Variants in PDCD2 observed in about 807,000 individuals in gnomAD.
PDCD2 encodes the protein uS5 assembly chaperone PDCD2.
In PDCD2, 38 loss-of-function variants were observed where a neutral mutation model predicts 38.1. The observed-to-expected ratio is 1.00, with a 90% confidence interval of 0.77 to 1.31. The LOEUF (loss-of-function observed/expected upper bound fraction) is 1.31, where lower values mean the gene tolerates loss of function less well. Among genes scored for constraint, PDCD2 ranks in the 50% most tolerant of loss-of-function variants. The pLI, the probability that PDCD2 is intolerant of heterozygous loss-of-function variation, is 0.00. For missense variants in PDCD2, 473 were observed against 435.7 expected (o/e 1.09, Z -0.76); for synonymous variants, 205 against 168.9 (o/e 1.21, Z -1.66).
Position 170,584,467 on chromosome 6 carries a change from C to T in PDCD2, c.115G>A (p.Gly39Ser). The change falls in exon 1 of 6, where the codon GGC becomes AGC. Residue 39 changes from glycine to serine, a missense_variant. By Grantham distance (56) the Gly-to-Ser change is moderately conservative. Transcript: ENST00000541970. ...TGGGGCCCCGGCAGCCCGGCCGCGC[C>T]CAGCCATGCCGGCCGCCCGCCCACC... is the stretch of plus-strand genomic sequence containing the variant. ...SKVGGRPAWL[G>S]AAGLPGPQAL... is the part of the protein sequence containing the mutation. The T allele has an allele frequency of 7.6e-7, 1 of 1,311,810 alleles. No homozygotes were observed. The highest frequency in any genetic ancestry group is 9.6e-7 in the Non-Finnish European group (1 of 1,038,724). The allele number at this position is 1,311,810 out of a possible 1,614,324, so 81.3% of individuals were successfully genotyped here. A position where few individuals can be genotyped will look rare whatever the true frequency, so the allele number is the denominator to read the frequency against.
Position 170,584,586 on chromosome 6 carries a change from G to T in PDCD2, c.-5C>A, listed in dbSNP as rs957921757. ...CCTGGCCCCGGCGGCAGCCATGCGG[G>T]GCGCGGGCTGGCGTGGGGCGCAGCC... On this transcript the variant is annotated 5_prime_UTR_variant, in exon 1 of 6. Transcript: ENST00000541970. 23 of 1,259,968 alleles carry T rather than the reference G, an allele frequency of 1.8e-5. No homozygotes were observed. The highest frequency in any genetic ancestry group is 2.1e-5 in the Non-Finnish European group (21 of 1,003,474). The allele number at this position is 1,259,968 out of a possible 1,614,324, so 78.0% of individuals were successfully genotyped here. A position where few individuals can be genotyped will look rare whatever the true frequency, so the allele number is the denominator to read the frequency against.
chr6:170,584,272 C>T (rs1179039782), intron 1 of PDCD2, 27 bp downstream of exon 1: 1 of 1,398,104 alleles, frequency 7.2e-7, no homozygotes, highest in Non-Finnish European at 9.3e-7. Flanking sequence ...AGGCATGGCC[C>T]CGTCCCGACC....
At chr6:170,581,235 C>T (rs1779586240) in intron 3 of PDCD2, 1 of 152,196 alleles carries the variant, frequency 6.6e-6, no homozygotes, top group African/African-American at 2.4e-5. Context: ...ACCTCCATTA[C>T]TCTGAAGTAA....
chr6:170,580,749 C>T (rs1779572374), intron 3 of PDCD2, among the ~76,000 whole-genome samples: 1 of 152,156 alleles, frequency 6.6e-6, no homozygotes, highest in African/African-American at 2.4e-5. Context: ...CTCCACATTC[C>T]TTCCTGGGAT....
Position 170,577,658 on chromosome 6 carries a change from C to CCAGT in PDCD2, c.932_935dup (p.Trp312Ter). The CCAGT allele has an allele frequency of 6.2e-7, 1 of 1,613,752 alleles. No individual in the cohort carries two copies. The highest frequency in any genetic ancestry group is 8.5e-7 in the Non-Finnish European group (1 of 1,179,978). On this transcript the variant is annotated stop_gained and frameshift_variant, in exon 6 of 6. Transcript: ENST00000541970. LOFTEE classifies it high-confidence loss of function. Reference sequence around the variant, plus strand: ...CACAGGTGAAGACAGCCAGGATGCCCCAGTCAATGCTCTTGCCCAGTCTGT... The same window carrying CCAGT: ...CACAGGTGAAGACAGCCAGGATGCCCCAGTCAGTCAATGCTCTTGCCCAGTCTGT...
Position 170,583,587 on chromosome 6 carries a change from T to C in PDCD2, c.444A>G (p.Arg148=). ...TGCTGCAGTAATATGCTTTGTGGCA[T>C]CTGGAGCACGTTTTGGGGCCTAAAC... ...CGCLGPKTCS[R]CHKAYYCSKE... The change falls in exon 2 of 6, where the codon AGA becomes AGG. Residue 148 remains arginine (R), a synonymous_variant. Transcript: ENST00000541970. 1.2e-6 allele frequency: 2 copies of C among 1,613,930 alleles called. No individual in the cohort carries two copies. Among genetic ancestry groups the C allele is most frequent in the Non-Finnish European group, 1.7e-6 (2 of 1,179,846 alleles).
At position 170,576,735 on chromosome 6, in the gene PDCD2, T is replaced by A. The variant is rs1779459876; in HGVS notation, c.*824A>T. On this transcript the variant is annotated 3_prime_UTR_variant, in exon 6 of 6. Transcript: ENST00000541970. Reference sequence around the variant, plus strand: ...GCTTACATTCCATAACCCTTGTATGTGCGATAGGGAACCTGTATACAATGC... The same window carrying A: ...GCTTACATTCCATAACCCTTGTATGAGCGATAGGGAACCTGTATACAATGC... The A allele has an allele frequency of 6.6e-6, 1 of 152,252 alleles. No homozygotes were observed. The highest frequency in any genetic ancestry group is 1.5e-5 in the Non-Finnish European group (1 of 68,052). The allele number at this position is 152,252 out of a possible 1,614,324, so 9.4% of individuals were successfully genotyped here. A position where few individuals can be genotyped will look rare whatever the true frequency, so the allele number is the denominator to read the frequency against.
chr6:170,583,059 A>T lies in PDCD2; in HGVS notation c.656T>A (p.Met219Lys). Residue 219 changes from methionine to lysine, a missense_variant and splice_region_variant, in exon 3 of 6, where the codon ATG (methionine) becomes AAG (lysine). Physicochemically the swap from Met to Lys is moderately conservative, Grantham distance 95. Coordinates refer to ENST00000541970, the MANE Select transcript of PDCD2 (RefSeq NM_002598.4). ...AATGAAGTCCTGAAACTGCTTACCC[A>T]TGCTCCCTATAATCTCTGAGTAATC... ...KEDYSEIIGSMGEALEEELDS... is the reference protein window; with the variant it reads ...KEDYSEIIGSKGEALEEELDS... 1.2e-6 allele frequency: 2 copies of T among 1,611,974 alleles called. No homozygotes were observed. The highest frequency in any genetic ancestry group is 1.7e-6 in the Non-Finnish European group (2 of 1,179,118).
chr6:170,576,325 T>TA lies in PDCD2; in HGVS notation c.*1233dup, dbSNP rs1363172295. On this transcript the variant is annotated 3_prime_UTR_variant, in exon 6 of 6. Coordinates refer to ENST00000541970, the MANE Select transcript of PDCD2 (RefSeq NM_002598.4). ...CAAATAAAATAGCCAAGTAGACAAT[T>TA]ACATTAGCAAGTGATGTTACCTATG... 1 of 152,258 alleles carries TA rather than the reference T, an allele frequency of 6.6e-6. No individual in the cohort carries two copies. The highest frequency in any genetic ancestry group is 1.9e-4 in the East Asian group (1 of 5,198). The allele number at this position is 152,258 out of a possible 1,614,324, so 9.4% of individuals were successfully genotyped here.
intron 4 of PDCD2, chr6:170,579,273 T>C (rs1779528749): frequency 3.7e-6 from 1 of 272,560 alleles, no homozygotes; most frequent in African/African-American, 2.4e-5. Context: ...GGACTAAGAA[T>C]GAGCCTCTGC....
In PDCD2 at chr6:170,584,472, C is replaced by T. The variant is rs1412114104; in HGVS notation, c.110G>A (p.Trp37Ter). The part of the protein sequence containing the change: ...FPSKVGGRPA[W>*]LGAAGLPGPQ... Reference sequence around the variant, plus strand: ...CCCCGGCAGCCCGGCCGCGCCCAGCCATGCCGGCCGCCCGCCCACCTTGCT... The same window carrying T: ...CCCCGGCAGCCCGGCCGCGCCCAGCTATGCCGGCCGCCCGCCCACCTTGCT... Residue 37 changes from tryptophan to a stop codon, truncating the protein, a stop_gained, in exon 1 of 6, where the codon TGG (tryptophan) becomes TAG (stop). Coordinates refer to ENST00000541970, the MANE Select transcript of PDCD2 (RefSeq NM_002598.4). LOFTEE classifies it high-confidence loss of function. 4 of 1,314,022 alleles carry T rather than the reference C, an allele frequency of 3.0e-6. No individual in the cohort carries two copies. The highest frequency in any genetic ancestry group is 4.1e-5 in the Admixed American group (1 of 24,670). The allele number at this position is 1,314,022 out of a possible 1,614,324, so 81.4% of individuals were successfully genotyped here.
intron 3 of PDCD2, chr6:170,582,370 G>T: frequency 6.5e-7 from 1 of 1,527,142 alleles, no homozygotes; most frequent in Non-Finnish European, 8.8e-7. Flanking sequence ...TTCATTTTGA[G>T]TCTATAAATC....
intron 4 of PDCD2, chr6:170,579,685 A>G (rs544172373): frequency 1.1e-5 from 2 of 188,388 alleles, no homozygotes; most frequent in South Asian, 3.8e-4. Flanking sequence ...GGGGGGGCCA[A>G]TGGTGCCTAA....
chr6:170,575,675 T>C lies in PDCD2; in HGVS notation c.*1884A>G, dbSNP rs1779434795. On this transcript the variant is annotated 3_prime_UTR_variant, in exon 6 of 6. Coordinates refer to ENST00000541970, the MANE Select transcript of PDCD2 (RefSeq NM_002598.4). ...TTTAACACAGATGCCAAGTCGGTGC[T>C]GTGAGATTTTCTTTCTGGTGATTTG... 1 of 152,250 alleles carries C rather than the reference T, an allele frequency of 6.6e-6. No homozygotes were observed. The highest frequency in any genetic ancestry group is 2.1e-4 in the South Asian group (1 of 4,838). 9.4% of individuals were successfully genotyped at this position (152,250 alleles called of 1,614,324 possible). A position where few individuals can be genotyped will look rare whatever the true frequency, so the allele number is the denominator to read the frequency against.
At chr6:170,578,513 G>C (rs981610553) in intron 5 of PDCD2, 2 of 659,114 alleles carry the variant, frequency 3.0e-6, no homozygotes, top group Non-Finnish European at 5.4e-6. Context: ...TTAATTACTA[G>C]AACAAGAAAG....
Position 170,584,368 on chromosome 6 carries a change from G to A in PDCD2, c.214C>T (p.Pro72Ser), listed in dbSNP as rs1779738590. Residue 72 changes from proline (P) to serine (S), a missense_variant, in exon 1 of 6, where the codon CCG becomes TCG. Coordinates refer to ENST00000541970, the MANE Select transcript of PDCD2 (RefSeq NM_002598.4). ...AAGATGCAGCGGTGGAAGGCGTCCG[G>A]GCGGCCAGGCAGCGGCGCATACACC... is the stretch of plus-strand genomic sequence containing the variant. ...LQVYAPLPGR[P>S]DAFHRCIFLF... The A allele has an allele frequency of 2.7e-6, 4 of 1,495,692 alleles. No individual in the cohort carries two copies. Among genetic ancestry groups the A allele is most frequent in the Non-Finnish European group, 3.5e-6 (4 of 1,127,338 alleles). 92.7% of individuals were successfully genotyped at this position (1,495,692 alleles called of 1,614,324 possible).
intron 3 of PDCD2, among the ~76,000 whole-genome samples, 170 bp from the exon 4 acceptor site, chr6:170,580,275 C>A (rs932191002): frequency 2.0e-5 from 3 of 152,230 alleles, no homozygotes; most frequent in Non-Finnish European, 4.4e-5. Flanking sequence ...ATTATATGGA[C>A]TTCCATTTAG....
chr6:170,579,402 T>A (rs1324293967), intron 4 of PDCD2: 1 of 160,840 alleles, frequency 6.2e-6, no homozygotes, highest in Non-Finnish European at 1.3e-5. Context: ...TAAGTAAATT[T>A]CACTGTAATA....
intron 4 of PDCD2, 91 bp from the exon 5 acceptor site, chr6:170,579,061 C>T (rs1273248368): frequency 2.6e-6 from 2 of 780,512 alleles, no homozygotes; most frequent in Non-Finnish European, 4.2e-6. Flanking sequence ...AATGTTCCTA[C>T]TCTTGATGTA....
Sources: gnomAD v4.1 joint callset for allele counts (sites outside exome capture counted in the v4.1 genomes callset) on GRCh38, gnomAD v4.1.1 for gene constraint, MANE v1.5 for transcripts, NCBI Gene and HGNC (gene_info 2026-07-23, HGNC 2026-07-21) for gene names.